Variants in KCNIP4 observed in about 807,000 individuals in gnomAD.
The protein encoded by KCNIP4 is Kv channel-interacting protein 4.
KCNIP4 carries 12 observed loss-of-function variants against 34.0 expected under a neutral mutation model. The observed-to-expected ratio is 0.35, with a 90% CI of 0.23 to 0.57. The LOEUF is 0.57. KCNIP4 is among the 20% of genes least tolerant of loss of function. The pLI is 0.83. For missense variants in KCNIP4, 238 were observed against 311.7 expected, an observed-to-expected ratio of 0.76 and a Z score of 1.78; for synonymous variants, 124 against 102.2, an observed-to-expected ratio of 1.21 and a Z score of -1.29.
At chr4:21,565,390 A>G (rs543917744) in intron 1 of KCNIP4, among the ~76,000 whole-genome samples, 1 of 152,138 alleles carries the variant, frequency 6.6e-6, no homozygotes, top group African/African-American at 2.4e-5. Flanking sequence ...ATTACCTCCA[A>G]GGAGCCCCAC....
chr4:20,880,505 T>C (rs1241261230), intron 2 of KCNIP4, among the ~76,000 whole-genome samples: 1 of 152,302 alleles, frequency 6.6e-6, no homozygotes, highest in East Asian at 1.9e-4. Flanking sequence ...AAACATCCTT[T>C]TCCCTCACAG....
intron 1 of KCNIP4, among the ~76,000 whole-genome samples, chr4:21,212,104 A>C (rs1757260011): frequency 6.6e-6 from 1 of 152,168 alleles, no homozygotes; most frequent in Admixed American, 6.6e-5. Context: ...CCCTTTATTA[A>C]GGCCTTTCTG....
intron 1 of KCNIP4, among the ~76,000 whole-genome samples, chr4:21,840,315 A>G (rs2109319304): frequency 6.6e-6 from 1 of 152,146 alleles, no homozygotes; most frequent in East Asian, 1.9e-4. Context: ...TCTCCTCTGT[A>G]GTCTGTAGTC....
intron 1 of KCNIP4, among the ~76,000 whole-genome samples, chr4:21,615,755 G>A (rs149612712): frequency 1.3e-5 from 2 of 152,216 alleles, no homozygotes; most frequent in African/African-American, 4.8e-5. Flanking sequence ...CAAAAGTCTA[G>A]GAATCATTCT....
intron 3 of KCNIP4, among the ~76,000 whole-genome samples, chr4:20,846,662 A>G (rs1055287483): frequency 1.3e-5 from 2 of 152,146 alleles, no homozygotes; most frequent in Non-Finnish European, 2.9e-5. Flanking sequence ...CTACACACAC[A>G]TACGCGCACA....
At chr4:21,816,131 AAGAGCAACTGTAACAGAAGAAAATGT>A (rs1161838975) in intron 1 of KCNIP4, among the ~76,000 whole-genome samples, 2 of 152,186 alleles carry the variant, frequency 1.3e-5, no homozygotes, top group Admixed American at 1.3e-4. Flanking sequence ...ACTCATTTAA[AAGAGCAACTGTAACAGAAGAAAATGT>A]AGGTTTAGAA....
intron 2 of KCNIP4, among the ~76,000 whole-genome samples, chr4:20,879,989 G>T (rs1364377600): frequency 6.6e-6 from 1 of 152,090 alleles, no homozygotes; most frequent in Non-Finnish European, 1.5e-5. Context: ...GGCAGAGAAT[G>T]GGATCAAATA....
chr4:21,864,399 T>G (rs1289718352), intron 1 of KCNIP4, among the ~76,000 whole-genome samples: 2 of 152,146 alleles, frequency 1.3e-5, no homozygotes, highest in African/African-American at 4.8e-5. Flanking sequence ...AACAACCAGG[T>G]TTTTAGGACC....
chr4:21,593,455 T>C (rs908042002), intron 1 of KCNIP4, among the ~76,000 whole-genome samples: 3 of 152,090 alleles, frequency 2.0e-5, no homozygotes, highest in African/African-American at 4.8e-5. Context: ...CATCCTTAAT[T>C]AGAATTCTCG....
In KCNIP4 at chr4:20,729,250, G is replaced by T. The variant is rs1407166274; in HGVS notation, c.*832C>A. The T allele has an allele frequency of 2.0e-5, 3 of 151,764 alleles. No individual in the cohort carries two copies. Among genetic ancestry groups the T allele is most frequent in the African/African-American group, 4.9e-5 (2 of 41,202 alleles). 9.4% of individuals were successfully genotyped at this position (151,764 alleles called of 1,614,324 possible). ...CTATATACTGGAGGATAGATATCCT[G>T]ACCCTTTGCATATGTCTGTAAACAT... On this transcript the variant is annotated 3_prime_UTR_variant, in exon 9 of 9. Coordinates refer to ENST00000382152, the MANE Select transcript of KCNIP4 (RefSeq NM_025221.6).
At chr4:20,740,399 G>C (rs1041723065) in intron 5 of KCNIP4, among the ~76,000 whole-genome samples, 24 of 152,178 alleles carry the variant, frequency 1.6e-4, no homozygotes, top group African/African-American at 5.5e-4. Context: ...AACTTTACAA[G>C]CCAGAAGAGA....
At chr4:21,437,199 G>A (rs1473725892) in intron 1 of KCNIP4, among the ~76,000 whole-genome samples, 1 of 152,088 alleles carries the variant, frequency 6.6e-6, no homozygotes, top group Non-Finnish European at 1.5e-5. Context: ...GTAATTGACT[G>A]TTTCACTATG....
intron 3 of KCNIP4, among the ~76,000 whole-genome samples, chr4:20,808,460 T>C (rs1217230704): frequency 6.6e-6 from 1 of 152,208 alleles, no homozygotes; most frequent in Non-Finnish European, 1.5e-5. Flanking sequence ...TTTTGATGGA[T>C]TGATAAGTAG....
At chr4:21,376,892 T>C (rs1721010482) in intron 1 of KCNIP4, among the ~76,000 whole-genome samples, 1 of 152,182 alleles carries the variant, frequency 6.6e-6, no homozygotes, top group African/African-American at 2.4e-5. Flanking sequence ...GATTATTATA[T>C]CCATAGCAGA....
At chr4:21,918,131 A>G (rs1367343530) in intron 1 of KCNIP4, among the ~76,000 whole-genome samples, 1 of 152,150 alleles carries the variant, frequency 6.6e-6, no homozygotes, top group Admixed American at 6.5e-5. Flanking sequence ...CCAAGGTGGT[A>G]GTATTAGGAA....
chr4:21,478,307 T>C (rs1218885122), intron 1 of KCNIP4, among the ~76,000 whole-genome samples: 1 of 152,154 alleles, frequency 6.6e-6, no homozygotes, highest in African/African-American at 2.4e-5. Context: ...GGAGATTTCA[T>C]GTCCCCCTTT....
intron 1 of KCNIP4, among the ~76,000 whole-genome samples, chr4:21,689,734 A>G (rs1751104520): frequency 6.6e-6 from 1 of 152,172 alleles, no homozygotes; most frequent in Non-Finnish European, 1.5e-5. Flanking sequence ...TTATGATGAT[A>G]TAGAACGATG....
chr4:20,892,120 C>A (rs1232903266), intron 1 of KCNIP4, among the ~76,000 whole-genome samples: 1 of 152,096 alleles, frequency 6.6e-6, no homozygotes, highest in Non-Finnish European at 1.5e-5. Flanking sequence ...GAGGAAAATA[C>A]CTACATTTCA....
chr4:21,832,397 G>A lies in KCNIP4; in HGVS notation c.61+116174C>T, dbSNP rs115990978. 6.6e-3 allele frequency among the ~76,000 whole-genome samples: 998 copies of A among 152,056 alleles called. 17 individuals carry two copies. Among genetic ancestry groups the A allele is most frequent in the African/African-American group, 0.023 (946 of 41,476 alleles). Reference sequence around the variant, plus strand: ...TGTATTGTGGCTCTGACATAAGGATGGACAGAATGGCAATGCCAGAGACAG... The same window carrying A: ...TGTATTGTGGCTCTGACATAAGGATAGACAGAATGGCAATGCCAGAGACAG... On this transcript the variant is annotated intron_variant, in intron 1 of 8. Coordinates refer to ENST00000382152, the MANE Select transcript of KCNIP4 (RefSeq NM_025221.6).
Sources: gnomAD v4.1 joint callset for allele counts (sites outside exome capture counted in the v4.1 genomes callset) on GRCh38, gnomAD v4.1.1 for gene constraint, MANE v1.5 for transcripts, NCBI Gene and HGNC (gene_info 2026-07-23, HGNC 2026-07-21) for gene names.